FCHSD2: variants seen among roughly 807,000 people sequenced by gnomAD.
FCHSD2 encodes F-BAR and double SH3 domains protein 2.
FCHSD2 carries 38 observed loss-of-function variants against 108.1 expected under a neutral mutation model. The ratio of observed to expected loss-of-function variants is 0.35; its 90% CI spans 0.27 to 0.46. FCHSD2 has a LOEUF of 0.46. FCHSD2 is among the 20% of genes least tolerant of loss of function. FCHSD2 has a pLI of 1.00. For missense variants in FCHSD2, 751 were observed against 897.8 expected (o/e 0.84, Z 2.09); for synonymous variants, 279 against 314.7 (o/e 0.89, Z 1.20).
At chr11:73,108,693 C>T (rs925488257) in intron 2 of FCHSD2, among the ~76,000 whole-genome samples, 13 of 152,124 alleles carry the variant, frequency 8.5e-5, no homozygotes, top group Non-Finnish European at 1.2e-4. Flanking sequence ...CTCAGCCTCC[C>T]GAGTAGCTGG....
rs114002424 is a variant in FCHSD2 at position 72,840,592 on chromosome 11, G to A, written c.2139+285C>T. Among the ~76,000 whole-genome samples the A allele has an allele frequency of 3.8e-3, 571 of 152,242 alleles. 8 individuals are homozygous for A. Among genetic ancestry groups the A allele is most frequent in the African/African-American group, 0.013 (529 of 41,534 alleles). ...GAAAAAAGTGTTTCACAATTAGCCC[G>A]CTTTAATGCTCATAAAGTTTGTTCT... On this transcript the variant is annotated intron_variant, in intron 19 of 19. Coordinates refer to ENST00000409418, the MANE Select transcript of FCHSD2 (RefSeq NM_014824.3).
intron 4 of FCHSD2, among the ~76,000 whole-genome samples, chr11:73,001,450 G>A (rs1320036401): frequency 6.6e-6 from 1 of 151,868 alleles, no homozygotes; most frequent in African/African-American, 2.4e-5. Context: ...GCTGTCACAG[G>A]GCCATAATTA....
intron 5 of FCHSD2, among the ~76,000 whole-genome samples, chr11:72,993,222 C>T (rs1339409258): frequency 6.6e-6 from 1 of 152,140 alleles, no homozygotes; most frequent in Non-Finnish European, 1.5e-5. Context: ...CCATCTCACA[C>T]CAGTTAGAAT....
chr11:73,028,599 C>T (rs528828070), intron 3 of FCHSD2, among the ~76,000 whole-genome samples: 17 of 152,172 alleles, frequency 1.1e-4, no homozygotes, highest in East Asian at 3.9e-4. Flanking sequence ...ACTGTTGAGA[C>T]GGCATGATTG....
At chr11:72,855,279 A>AAAAC (rs201512091) in intron 13 of FCHSD2, among the ~76,000 whole-genome samples, 4,325 of 151,070 alleles carry the variant, frequency 0.029, 113 homozygotes, top group African/African-American at 0.071. Flanking sequence ...CTCCGTCTCA[A>AAAAC]AAACAAACAA....
intron 2 of FCHSD2, among the ~76,000 whole-genome samples, chr11:73,135,653 C>T (rs915592361): frequency 3.9e-5 from 6 of 152,122 alleles, no homozygotes; most frequent in Admixed American, 3.9e-4. Context: ...CAAAAGTCAA[C>T]AGGAAACACA....
At chr11:72,919,066 C>A (rs1018088104) in intron 9 of FCHSD2, among the ~76,000 whole-genome samples, 2 of 152,042 alleles carry the variant, frequency 1.3e-5, no homozygotes, top group African/African-American at 4.8e-5. Flanking sequence ...GGATGAATTA[C>A]CACCAAAATA....
chr11:72,852,501 A>G (rs768974628), intron 13 of FCHSD2, among the ~76,000 whole-genome samples: 1 of 152,168 alleles, frequency 6.6e-6, no homozygotes, highest in Non-Finnish European at 1.5e-5. Flanking sequence ...CCTTGTCTCT[A>G]CTAAAAATAC....
chr11:73,137,840 C>T (rs148555291), intron 2 of FCHSD2, among the ~76,000 whole-genome samples: 2 of 152,294 alleles, frequency 1.3e-5, no homozygotes, highest in Non-Finnish European at 2.9e-5. Context: ...GGGCATGAAA[C>T]GGTAGTAACT....
At chr11:72,945,221 A>T (rs988671632) in intron 8 of FCHSD2, among the ~76,000 whole-genome samples, 1 of 152,220 alleles carries the variant, frequency 6.6e-6, no homozygotes, top group African/African-American at 2.4e-5. Context: ...ATGGAACAGA[A>T]CAGAGCCCTC....
At chr11:73,082,010 C>T (rs1223230048) in intron 3 of FCHSD2, among the ~76,000 whole-genome samples, 1 of 151,964 alleles carries the variant, frequency 6.6e-6, no homozygotes, top group Admixed American at 6.6e-5. Context: ...CGAGACCAGC[C>T]TGGCCAACAT....
intron 8 of FCHSD2, among the ~76,000 whole-genome samples, chr11:72,958,743 T>C (rs1223565828): frequency 1.3e-5 from 2 of 152,136 alleles, no homozygotes; most frequent in Non-Finnish European, 2.9e-5. Context: ...CACTTAAAAG[T>C]AATCAGATTT....
intron 13 of FCHSD2, among the ~76,000 whole-genome samples, chr11:72,853,205 A>T (rs1861339049): frequency 6.6e-6 from 1 of 152,182 alleles, no homozygotes; most frequent in Non-Finnish European, 1.5e-5. Flanking sequence ...TACATGATTA[A>T]ATGATTTTCA....
intron 13 of FCHSD2, among the ~76,000 whole-genome samples, chr11:72,850,093 C>T (rs12289752): frequency 0.51 from 68,407 of 132,840 alleles, 17,221 homozygotes; most frequent in South Asian, 0.69. Context: ...GATGGAATTT[C>T]GCTCTTGTCA....
intron 5 of FCHSD2, among the ~76,000 whole-genome samples, chr11:72,993,391 C>T (rs1350083433): frequency 6.6e-5 from 10 of 152,248 alleles, no homozygotes; most frequent in Middle Eastern, 6.8e-3. Context: ...CCATTTGACC[C>T]AGCCATCCCA....
chr11:73,080,423 G>A (rs1008626410), intron 3 of FCHSD2, among the ~76,000 whole-genome samples: 2 of 150,776 alleles, frequency 1.3e-5, no homozygotes, highest in Non-Finnish European at 2.9e-5. Flanking sequence ...TTTACACACA[G>A]ATACACAGCA....
intron 12 of FCHSD2, among the ~76,000 whole-genome samples, chr11:72,879,956 G>A (rs1209676082): frequency 2.8e-5 from 4 of 140,718 alleles, no homozygotes; most frequent in African/African-American, 1.1e-4. Context: ...CCGAGATCGC[G>A]CCATCGCATT....
rs550931938 is a variant in FCHSD2 at position 73,023,574 on chromosome 11, A to T, written c.166-7689T>A. Among the ~76,000 whole-genome samples, 18 of 152,334 alleles carry T rather than the reference A, an allele frequency of 1.2e-4. No homozygotes were observed. The South Asian group carries it at 3.7e-3, about 32-fold the overall frequency. ...ACGCAGAGTTACAGAGTACTCCTTC[A>T]ACGGTGGTGGGAATGCAAAATAGTA... On this transcript the variant is annotated intron_variant, in intron 3 of 19. Transcript: ENST00000409418.
chr11:72,967,179 G>A (rs1294772010), intron 8 of FCHSD2, among the ~76,000 whole-genome samples: 11 of 147,580 alleles, frequency 7.5e-5, no homozygotes, highest in African/African-American at 1.3e-4. Flanking sequence ...CAGCCTGGGC[G>A]ACAGAGCAAG....
Sources: allele counts gnomAD v4.1 joint callset (sites outside exome capture counted in the v4.1 genomes callset), GRCh38; gene constraint gnomAD v4.1.1; transcripts MANE v1.5; gene names NCBI Gene and HGNC (gene_info 2026-07-23, HGNC 2026-07-21).